FOCAD: variants seen among roughly 807,000 people sequenced by gnomAD.
FOCAD encodes focadhesin.
FOCAD carries 198 observed loss-of-function variants against 225.6 expected under a neutral mutation model. The observed-to-expected ratio is 0.88, with a 90% CI of 0.78 to 0.99. The LOEUF is 0.99. FOCAD is among the 50% of genes least tolerant of loss of function. FOCAD has a pLI of 0.00. For synonymous variants in FOCAD, 897 were observed against 755.0 expected, an observed-to-expected ratio of 1.19 and a Z score of -3.08; for missense variants, 2,713 against 2,123.6, an observed-to-expected ratio of 1.28 and a Z score of -5.46.
chr9:20,711,848 A>C (rs1178996333), intron 1 of FOCAD, among the ~76,000 whole-genome samples: 1 of 152,204 alleles, frequency 6.6e-6, no homozygotes, highest in Non-Finnish European at 1.5e-5. Flanking sequence ...CAACAGCACA[A>C]GGCAGAGTGG....
chr9:20,879,001 G>C (rs1466550475), intron 19 of FOCAD, among the ~76,000 whole-genome samples: 1 of 152,122 alleles, frequency 6.6e-6, no homozygotes, highest in Non-Finnish European at 1.5e-5. Context: ...TGGACAATTG[G>C]ATGGTGCCCA....
intron 21 of FOCAD, among the ~76,000 whole-genome samples, chr9:20,890,522 T>G (rs1199473982): frequency 6.6e-6 from 1 of 152,100 alleles, no homozygotes; most frequent in Non-Finnish European, 1.5e-5. Context: ...ATTCCTGGGA[T>G]ACACTCCGCT....
At chr9:20,796,147 T>C (rs897627957) in intron 11 of FOCAD, among the ~76,000 whole-genome samples, 6 of 152,184 alleles carry the variant, frequency 3.9e-5, no homozygotes, top group Non-Finnish European at 8.8e-5. Flanking sequence ...CATGAACTCA[T>C]AATTTTTTAT....
rs1297796535 is a variant in FOCAD at position 20,720,485 on chromosome 9, G to T, written c.238G>T (p.Glu80Ter). The change falls in exon 4 of 44, where the codon GAG (glutamate) becomes TAG (stop). Residue 80 changes from glutamate to a stop codon, truncating the protein, a stop_gained. Transcript: ENST00000338382. LOFTEE classifies it high-confidence loss of function. Reference sequence around the variant, plus strand: ...GGCACTCGTTGCTCAGGATCATGCAGAGTTCAGCTATGTTCTCAATGGGAT... The same window carrying T: ...GGCACTCGTTGCTCAGGATCATGCATAGTTCAGCTATGTTCTCAATGGGAT... ...LVALVAQDHAEFSYVLNGILN... is the reference protein window; with the variant it reads ...LVALVAQDHA 1.9e-6 allele frequency: 3 copies of T among 1,613,970 alleles called. No individual in the cohort carries two copies. Among genetic ancestry groups the T allele is most frequent in the Non-Finnish European group, 8.5e-7 (1 of 1,179,982 alleles).
At chr9:20,809,521 C>T (rs1046011753) in intron 11 of FOCAD, among the ~76,000 whole-genome samples, 1 of 152,064 alleles carries the variant, frequency 6.6e-6, no homozygotes, top group Non-Finnish European at 1.5e-5. Context: ...CAACCTAGCT[C>T]TAGAATCTCT....
chr9:20,680,593 A>G (rs768594587), upstream of FOCAD, among the ~76,000 whole-genome samples: 29 of 152,310 alleles, frequency 1.9e-4, no homozygotes, highest in African/African-American at 4.3e-4. Flanking sequence ...ATCCCAGTGC[A>G]TAAAGCAAGC....
In FOCAD at chr9:20,722,849, C is replaced by T. The variant is rs190485741; in HGVS notation, c.287+2315C>T. 2.8e-3 allele frequency among the ~76,000 whole-genome samples: 428 copies of T among 152,052 alleles called. 2 individuals are homozygous for T. The highest frequency in any genetic ancestry group is 9.9e-3 in the African/African-American group (409 of 41,490). Reference sequence around the variant, plus strand: ...ATGCAGGGATGGTATTTTTTGCCCCCCACCCCACATATTTTCAAATGCCTT... The same window carrying T: ...ATGCAGGGATGGTATTTTTTGCCCCTCACCCCACATATTTTCAAATGCCTT... On this transcript the variant is annotated intron_variant, in intron 4 of 43. Transcript: ENST00000338382.
At chr9:20,931,794 A>G (rs1024195078) in intron 27 of FOCAD, among the ~76,000 whole-genome samples, 3 of 151,764 alleles carry the variant, frequency 2.0e-5, no homozygotes, top group Non-Finnish European at 4.4e-5. Context: ...GCTACTCGGG[A>G]AGCTGAGGCT....
intron 15 of FOCAD, among the ~76,000 whole-genome samples, chr9:20,850,629 A>G (rs544810210): frequency 6.6e-6 from 1 of 151,878 alleles, no homozygotes; most frequent in Admixed American, 6.6e-5. Context: ...GCATGAGCAA[A>G]AAGTATTTAA....
intron 15 of FOCAD, among the ~76,000 whole-genome samples, chr9:20,861,829 T>C (rs1828796532): frequency 6.6e-6 from 1 of 152,140 alleles, no homozygotes; most frequent in Non-Finnish European, 1.5e-5. Flanking sequence ...AACATTTTCA[T>C]AAAACATCTA....
chr9:20,699,754 AAAAAAAAAAAAAAAAAAAAATATATATAT>A (rs1358026800), intron 1 of FOCAD, among the ~76,000 whole-genome samples: 16 of 56,090 alleles, frequency 2.9e-4, no homozygotes, highest in Non-Finnish European at 4.6e-4. Flanking sequence ...AAAAAAAAAA[AAAAAAAAAAAAAAAAAAAAATATATATAT>A]ATATATATAT....
intron 35 of FOCAD, among the ~76,000 whole-genome samples, chr9:20,965,925 C>T (rs933124385): frequency 6.6e-6 from 1 of 152,110 alleles, no homozygotes; most frequent in African/African-American, 2.4e-5. Flanking sequence ...TTTATTTATG[C>T]ATCAGTTTAT....
At chr9:20,907,790 T>C (rs1006430870) in intron 22 of FOCAD, among the ~76,000 whole-genome samples, 2 of 152,112 alleles carry the variant, frequency 1.3e-5, no homozygotes, top group South Asian at 4.1e-4. Context: ...CCCACCTAAT[T>C]TCTACTTGTT....
At position 20,995,902 on chromosome 9, in the gene FOCAD, G is replaced by C. The variant is rs1310128611; in HGVS notation, c.*273G>C. On this transcript the variant is annotated 3_prime_UTR_variant, in exon 44 of 44. Coordinates refer to ENST00000338382, the MANE Select transcript of FOCAD (RefSeq NM_001375567.1). ...GTGGAGATTTTCTTTGTGAAAGCTT[G>C]AAGATATTATCTTCTCCCTGCTAAA... 5 of 235,928 alleles carry C rather than the reference G, an allele frequency of 2.1e-5. No homozygotes were observed. The East Asian group carries it at 4.3e-4, about 20-fold the overall frequency. The allele number at this position is 235,928 out of a possible 1,614,324, so 14.6% of individuals were successfully genotyped here. A position where few individuals can be genotyped will look rare whatever the true frequency, so the allele number is the denominator to read the frequency against.
At chr9:20,831,117 GTGT>G (rs1222912230) in intron 15 of FOCAD, among the ~76,000 whole-genome samples, 1 of 152,068 alleles carries the variant, frequency 6.6e-6, no homozygotes, top group Non-Finnish European at 1.5e-5. Context: ...AGTTGTCATT[GTGT>G]TGTTCTAGAG....
chr9:20,815,507 C>A (rs1264951510), intron 11 of FOCAD, among the ~76,000 whole-genome samples: 3 of 151,794 alleles, frequency 2.0e-5, no homozygotes, highest in African/African-American at 7.3e-5. Context: ...GTTGGCAGTA[C>A]CTACCCACCC....
chr9:20,820,503 A>G, intron 13 of FOCAD, 78 bp downstream of exon 13: 2 of 1,289,026 alleles, frequency 1.6e-6, no homozygotes, highest in Non-Finnish European at 2.2e-6. Flanking sequence ...CATATATGGC[A>G]ATGCTTTGGT....
intron 11 of FOCAD, among the ~76,000 whole-genome samples, chr9:20,816,240 A>G (rs1823715577): frequency 1.3e-5 from 2 of 152,148 alleles, no homozygotes; most frequent in African/African-American, 2.4e-5. Flanking sequence ...CTAGTTTATA[A>G]AATGTCAGTA....
At position 20,792,359 on chromosome 9, in the gene FOCAD, G is replaced by A. The variant is rs111397408; in HGVS notation, c.1455+2751G>A. On this transcript the variant is annotated intron_variant, in intron 11 of 43. Coordinates refer to ENST00000338382, the MANE Select transcript of FOCAD (RefSeq NM_001375567.1). ...TCAATGGAATAACTCTAAATACTATGTGTAAGGTGTATCAATTTCTTTTTG... is the reference window on the plus strand; with the variant it reads ...TCAATGGAATAACTCTAAATACTATATGTAAGGTGTATCAATTTCTTTTTG... Among the ~76,000 whole-genome samples, 1,324 of 152,282 alleles carry A rather than the reference G, an allele frequency of 8.7e-3. 10 individuals carry two copies. The highest frequency in any genetic ancestry group is 0.015 in the Non-Finnish European group (1,034 of 68,010).
Sources: gnomAD v4.1 joint callset for allele counts (sites outside exome capture counted in the v4.1 genomes callset) on GRCh38, gnomAD v4.1.1 for gene constraint, MANE v1.5 for transcripts, NCBI Gene and HGNC (gene_info 2026-07-23, HGNC 2026-07-21) for gene names.